The following AGAP1 variants were observed in gnomAD, a reference collection of about 807,000 sequenced individuals.
AGAP1 encodes the protein arf-GAP with GTPase, ANK repeat and PH domain-containing protein 1.
A neutral mutation model predicts 105.3 loss-of-function variants in AGAP1; 29 were observed. The ratio of observed to expected loss-of-function variants is 0.28; its 90% CI spans 0.21 to 0.38. AGAP1 has a LOEUF of 0.38. AGAP1 is among the 10% of genes least tolerant of loss of function. AGAP1 has a pLI of 1.00. For synonymous variants in AGAP1, 509 were observed against 485.9 expected, an observed-to-expected ratio of 1.05 and a Z score of -0.63; for missense variants, 998 against 1,165.1, an observed-to-expected ratio of 0.86 and a Z score of 2.09.
intron 1 of AGAP1, among the ~76,000 whole-genome samples, chr2:235,592,062 G>A (rs563311939): frequency 7.9e-5 from 12 of 152,256 alleles, no homozygotes; most frequent in African/African-American, 2.2e-4. Flanking sequence ...TTATAGCAAC[G>A]CAAGAACAGA....
chr2:235,543,788 G>A (rs1445485319), intron 1 of AGAP1, among the ~76,000 whole-genome samples: 4 of 152,222 alleles, frequency 2.6e-5, no homozygotes, highest in Non-Finnish European at 5.9e-5. Flanking sequence ...TGGAGTGGTA[G>A]TGTCAGGGCG....
intron 1 of AGAP1, among the ~76,000 whole-genome samples, chr2:235,516,870 C>T (rs1207869182): frequency 1.3e-5 from 2 of 152,200 alleles, no homozygotes; most frequent in Non-Finnish European, 2.9e-5. Context: ...GAACTTTCTT[C>T]TTTGGTTGCC....
intron 3 of AGAP1, chr2:235,718,462 C>A: frequency 1.1e-6 from 1 of 900,420 alleles, no homozygotes; most frequent in Non-Finnish European, 1.3e-6. Flanking sequence ...CCACTTTGTA[C>A]TGTAGCGTTC....
rs2049785675 is a variant in AGAP1, at chr2:235,877,135, A to G, written c.1051-6210A>G. On this transcript the variant is annotated intron_variant, in intron 9 of 17. Coordinates refer to ENST00000304032, the MANE Select transcript of AGAP1 (RefSeq NM_001037131.3). The surrounding 1 kb of genome is among the most constrained non-coding windows in gnomAD (Gnocchi z 4.3). ...GCTGGAATTACAGGCATGAGCCACC[A>G]CGCCCTGCCAGAGCCATTTAAAAGA... Among the ~76,000 whole-genome samples the G allele has an allele frequency of 1.3e-5, 2 of 151,908 alleles. No individual in the cohort carries two copies. The highest frequency in any genetic ancestry group is 4.2e-4 in the South Asian group (2 of 4,810).
chr2:235,643,431 C>CAAAAAAAAAAAAAAAAAACAAA (rs1947264605), intron 1 of AGAP1, among the ~76,000 whole-genome samples: 1 of 61,404 alleles, frequency 1.6e-5, no homozygotes, highest in African/African-American at 6.9e-5. Flanking sequence ...GACTGGGTCT[C>CAAAAAAAAAAAAAAAAAACAAA]AAAAAAAAAA....
At chr2:235,841,610 G>A (rs1272378884) in intron 9 of AGAP1, among the ~76,000 whole-genome samples, 5 of 152,220 alleles carry the variant, frequency 3.3e-5, no homozygotes, top group African/African-American at 1.2e-4. Flanking sequence ...AGTGTGAGCT[G>A]TGAGAGAGCA....
intron 1 of AGAP1, among the ~76,000 whole-genome samples, chr2:235,706,759 G>A (rs1003770453): frequency 2.3e-4 from 35 of 152,156 alleles, no homozygotes; most frequent in African/African-American, 8.0e-4. Context: ...ACAGAGTGAC[G>A]TTCTGAGAAG....
intron 9 of AGAP1, among the ~76,000 whole-genome samples, chr2:235,840,690 C>A (rs2106390844): frequency 6.6e-6 from 1 of 151,958 alleles, no homozygotes; most frequent in South Asian, 2.1e-4. Context: ...GAAGACATAT[C>A]TGGAGGCTTT....
At chr2:235,672,373 G>T (rs1054136791) in intron 1 of AGAP1, among the ~76,000 whole-genome samples, 1 of 152,168 alleles carries the variant, frequency 6.6e-6, no homozygotes, top group Non-Finnish European at 1.5e-5. Context: ...TGGCATGTGC[G>T]GTAATGTTAA....
Position 235,965,164 on chromosome 2 carries a change from C to T in AGAP1, c.1484-3298C>T, listed in dbSNP as rs2054339400. 6.6e-6 allele frequency among the ~76,000 whole-genome samples: 1 copy of T among 152,094 alleles called. No homozygotes were observed. The highest frequency in any genetic ancestry group is 1.5e-5 in the Non-Finnish European group (1 of 68,024). ...GAAGTGGCAGTTTCAAGGGTGAAGC[C>T]CAAGGTGATAGCAGAGAAAGCTGCC... On this transcript the variant is annotated intron_variant, in intron 12 of 17. Coordinates refer to ENST00000304032, the MANE Select transcript of AGAP1 (RefSeq NM_001037131.3). This position sits in a 1 kb window ranked among gnomAD's most constrained non-coding sequence, Gnocchi z 5.8.
intron 1 of AGAP1, among the ~76,000 whole-genome samples, chr2:235,542,799 G>A (rs1943489122): frequency 6.6e-6 from 1 of 152,166 alleles, no homozygotes; most frequent in African/African-American, 2.4e-5. Flanking sequence ...ATGCCCTGCA[G>A]GCCCCATGGT....
At chr2:235,947,867 G>A (rs2053565479) in intron 12 of AGAP1, among the ~76,000 whole-genome samples, 1 of 152,232 alleles carries the variant, frequency 6.6e-6, no homozygotes, top group African/African-American at 2.4e-5. Flanking sequence ...AGTTCTCTGA[G>A]GTGGTACTAT....
intron 5 of AGAP1, among the ~76,000 whole-genome samples, chr2:235,749,289 C>G (rs1271986652): frequency 6.6e-6 from 1 of 151,938 alleles, no homozygotes; most frequent in Non-Finnish European, 1.5e-5. Context: ...ATTCCAGCTC[C>G]TCATTTCTCT....
rs1016703895 is a variant in AGAP1 at position 236,113,044 on chromosome 2, C to A, written c.2115-7148C>A. 1.3e-5 allele frequency among the ~76,000 whole-genome samples: 2 copies of A among 152,254 alleles called. No homozygotes were observed. ...AACTTGCAATAAAATCTACCTGTCT[C>A]TTCTTTCCTGCAGCCTTTCTTTTTT... On this transcript the variant is annotated intron_variant, in intron 16 of 17. Transcript: ENST00000304032. The surrounding 1 kb of genome is among the most constrained non-coding windows in gnomAD (Gnocchi z 4.3).
chr2:236,032,160 C>T (rs2057243905), intron 13 of AGAP1, among the ~76,000 whole-genome samples: 1 of 152,160 alleles, frequency 6.6e-6, no homozygotes, highest in Non-Finnish European at 1.5e-5. Flanking sequence ...TCCCCCAAAA[C>T]TCTTTGCTTT....
chr2:235,969,479 A>C (rs1383328691), intron 13 of AGAP1, among the ~76,000 whole-genome samples: 2 of 152,210 alleles, frequency 1.3e-5, no homozygotes, highest in African/African-American at 4.8e-5. Flanking sequence ...TGTGAGACCG[A>C]CATGGTAAAA....
intron 1 of AGAP1, among the ~76,000 whole-genome samples, chr2:235,629,049 A>G (rs965309292): frequency 6.6e-6 from 1 of 152,046 alleles, no homozygotes; most frequent in Non-Finnish European, 1.5e-5. Context: ...TGACCTCATG[A>G]TCCAGCCGCC....
At chr2:235,894,024 G>A (rs578261055) in intron 10 of AGAP1, among the ~76,000 whole-genome samples, 1 of 152,184 alleles carries the variant, frequency 6.6e-6, no homozygotes, top group East Asian at 1.9e-4. Context: ...TACAAATGCT[G>A]CAAAATCTAA....
At chr2:235,638,726 C>T (rs1028960578) in intron 1 of AGAP1, among the ~76,000 whole-genome samples, 18 of 152,210 alleles carry the variant, frequency 1.2e-4, no homozygotes, top group Non-Finnish European at 2.4e-4. Context: ...CATGGCTGCT[C>T]TGGCTTGCCA....
Sources: gnomAD v4.1 joint callset for allele counts (sites outside exome capture counted in the v4.1 genomes callset) on GRCh38, gnomAD v4.1.1 for gene constraint, Gnocchi (gnomAD v3.1) non-coding constraint, MANE v1.5 for transcripts, NCBI Gene and HGNC (gene_info 2026-07-23, HGNC 2026-07-21) for gene names.